INPP4B: variants seen among roughly 807,000 people sequenced by gnomAD.
INPP4B encodes the protein inositol polyphosphate 4-phosphatase type II.
INPP4B carries 55 observed loss-of-function variants against 122.5 expected under a neutral mutation model. The ratio of observed to expected loss-of-function variants is 0.45; its 90% CI spans 0.36 to 0.56. INPP4B has a LOEUF of 0.56. INPP4B is among the 20% of genes least tolerant of loss of function. INPP4B has a pLI of 0.00. For synonymous variants in INPP4B, 403 were observed against 388.7 expected (o/e 1.04, Z -0.43); for missense variants, 1,000 against 1,097.7 (o/e 0.91, Z 1.26).
At chr4:142,352,493 CAT>C (rs752800212) in intron 7 of INPP4B, among the ~76,000 whole-genome samples, 1 of 150,580 alleles carries the variant, frequency 6.6e-6, no homozygotes, top group Non-Finnish European at 1.5e-5. Context: ...TAATATATAT[CAT>C]ATATATATAT....
At chr4:142,363,669 T>C (rs189264508) in intron 7 of INPP4B, among the ~76,000 whole-genome samples, 3 of 152,044 alleles carry the variant, frequency 2.0e-5, no homozygotes, top group East Asian at 1.9e-4. Flanking sequence ...GATCCTTCTT[T>C]TACATTTAGA....
intron 2 of INPP4B, among the ~76,000 whole-genome samples, chr4:142,651,863 C>G (rs1314911209): frequency 6.6e-6 from 1 of 152,194 alleles, no homozygotes; most frequent in Admixed American, 6.5e-5. Flanking sequence ...TCCTCTCTAA[C>G]TCATTTTATG....
At chr4:142,641,275 A>G (rs116506760) in intron 2 of INPP4B, among the ~76,000 whole-genome samples, 1,754 of 152,054 alleles carry the variant, frequency 0.012, 31 homozygotes, top group African/African-American at 0.032. Flanking sequence ...TTCATTTTAT[A>G]TATATTTATT....
At chr4:142,115,055 G>T (rs1010836219) in intron 21 of INPP4B, among the ~76,000 whole-genome samples, 2 of 152,038 alleles carry the variant, frequency 1.3e-5, no homozygotes, top group Admixed American at 1.3e-4. Context: ...GGAAGAAAGG[G>T]TATCAGTGAT....
At chr4:142,283,789 T>C (rs1752288914) in intron 9 of INPP4B, among the ~76,000 whole-genome samples, 1 of 152,044 alleles carries the variant, frequency 6.6e-6, no homozygotes, top group African/African-American at 2.4e-5. Flanking sequence ...AGAATACAGA[T>C]GACATTAAAA....
At chr4:142,273,970 G>T (rs546628241) in intron 9 of INPP4B, among the ~76,000 whole-genome samples, 1 of 151,868 alleles carries the variant, frequency 6.6e-6, no homozygotes, top group East Asian at 1.9e-4. Flanking sequence ...ACCATACAAA[G>T]AATACAGGTA....
intron 9 of INPP4B, among the ~76,000 whole-genome samples, chr4:142,291,271 T>C (rs563548973): frequency 1.3e-5 from 2 of 152,326 alleles, no homozygotes; most frequent in South Asian, 4.1e-4. Context: ...ACACTAGGGA[T>C]TGAAAGCTCA....
chr4:142,772,014 A>C (rs1216937758), intron 1 of INPP4B, among the ~76,000 whole-genome samples: 1 of 152,168 alleles, frequency 6.6e-6, no homozygotes, highest in East Asian at 1.9e-4. Context: ...AAAGAAGAGA[A>C]AAATAAATCA....
chr4:142,270,674 G>C lies in INPP4B; in HGVS notation c.604C>G (p.Gln202Glu), dbSNP rs1745327874. Residue 202 changes from glutamine (Q) to glutamate (E), a missense_variant, in exon 10 of 26, where the codon CAG becomes GAG. Physicochemically the swap from Gln to Glu is conservative, Grantham distance 29. Transcript: ENST00000262992. Reference sequence around the variant, plus strand: ...GACTGAGATCCTACCTTTTGTCCCTGTACATCTGTGGTGATGTGGTCGGCT... The same window carrying C: ...GACTGAGATCCTACCTTTTGTCCCTCTACATCTGTGGTGATGTGGTCGGCT... ...GEADHITTDV[Q>E]GQKCALVCEC... 6.3e-7 allele frequency: 1 copy of C among 1,599,098 alleles called. No individual in the cohort carries two copies.
At chr4:142,687,106 G>C (rs1759457206) in intron 2 of INPP4B, among the ~76,000 whole-genome samples, 1 of 151,942 alleles carries the variant, frequency 6.6e-6, no homozygotes, top group Non-Finnish European at 1.5e-5. Flanking sequence ...TTTTTTATTG[G>C]AAGCTATGTG....
intron 2 of INPP4B, among the ~76,000 whole-genome samples, chr4:142,662,878 A>T (rs1560935761): frequency 6.6e-6 from 1 of 152,194 alleles, no homozygotes; most frequent in East Asian, 1.9e-4. Context: ...GGCTATGGAA[A>T]GGTTTGAGAA....
intron 25 of INPP4B, among the ~76,000 whole-genome samples, chr4:142,048,334 C>A (rs1046805731): frequency 6.6e-6 from 1 of 152,062 alleles, no homozygotes; most frequent in Non-Finnish European, 1.5e-5. Flanking sequence ...CAACACTCAG[C>A]ATAATTGGAG....
At chr4:142,341,682 C>T (rs767132048) in intron 7 of INPP4B, among the ~76,000 whole-genome samples, 7 of 152,042 alleles carry the variant, frequency 4.6e-5, no homozygotes, top group African/African-American at 1.2e-4. Context: ...TGTCACCTTG[C>T]GATTATATTC....
chr4:142,238,595 T>C (rs1303616094), intron 11 of INPP4B, among the ~76,000 whole-genome samples: 4 of 152,214 alleles, frequency 2.6e-5, no homozygotes, highest in African/African-American at 7.2e-5. Flanking sequence ...CTGTAAAAAT[T>C]CAAATACCAA....
At chr4:142,664,429 A>G (rs957528552) in intron 2 of INPP4B, among the ~76,000 whole-genome samples, 6 of 152,068 alleles carry the variant, frequency 3.9e-5, no homozygotes, top group Admixed American at 3.3e-4. Flanking sequence ...TTGCCATCCA[A>G]TACCTGGCAC....
chr4:142,837,784 G>A (rs1187038521), intron 1 of INPP4B, among the ~76,000 whole-genome samples: 1 of 151,976 alleles, frequency 6.6e-6, no homozygotes, highest in Non-Finnish European at 1.5e-5. Context: ...ACTTTTAAAA[G>A]GTTCATACCC....
intron 2 of INPP4B, among the ~76,000 whole-genome samples, chr4:142,701,992 G>A (rs915857892): frequency 6.6e-6 from 1 of 152,098 alleles, no homozygotes. Flanking sequence ...TGAACTAGGT[G>A]AAATCAGACT....
intron 2 of INPP4B, among the ~76,000 whole-genome samples, chr4:142,478,397 T>C (rs796340208): frequency 5.9e-5 from 9 of 152,316 alleles, no homozygotes; most frequent in African/African-American, 1.9e-4. Context: ...ATGTTGGCTG[T>C]GAGTTTGTCA....
chr4:142,630,625 A>T (rs201836275), intron 2 of INPP4B, among the ~76,000 whole-genome samples: 1 of 21,310 alleles, frequency 4.7e-5, no homozygotes. Context: ...AGCAAACAAG[A>T]AAGTGAATAA....
Sources: gnomAD v4.1 joint callset for allele counts (sites outside exome capture counted in the v4.1 genomes callset) on GRCh38, gnomAD v4.1.1 for gene constraint, MANE v1.5 for transcripts, NCBI Gene and HGNC (gene_info 2026-07-23, HGNC 2026-07-21) for gene names.